The following ROR2 variants were observed in gnomAD, a reference collection of about 807,000 sequenced individuals.
The protein encoded by ROR2 is tyrosine-protein kinase transmembrane receptor ROR2.
Under a neutral mutation model 74.9 loss-of-function variants are expected in ROR2, and 33 were observed. The ratio of observed to expected loss-of-function variants is 0.44; its 90% confidence interval spans 0.33 to 0.59. The LOEUF (loss-of-function observed/expected upper bound fraction) is 0.59, where lower values mean the gene tolerates loss of function less well. Among genes scored for constraint, ROR2 ranks in the 20% least tolerant of loss-of-function variants. ROR2 has a pLI of 0.02. For missense variants in ROR2, 1,216 were observed against 1,313.8 expected (o/e 0.93, Z 1.15); for synonymous variants, 586 against 558.7 (o/e 1.05, Z -0.69).
intron 4 of ROR2, among the ~76,000 whole-genome samples, chr9:91,748,010 G>C (rs1194693461): frequency 2.0e-5 from 3 of 152,164 alleles, no homozygotes; most frequent in African/African-American, 7.2e-5. Flanking sequence ...TTTACAACAT[G>C]ACTATAGTGA....
chr9:91,794,881 G>C (rs1022541210), intron 1 of ROR2, among the ~76,000 whole-genome samples: 1 of 151,982 alleles, frequency 6.6e-6, no homozygotes, highest in Non-Finnish European at 1.5e-5. Flanking sequence ...CAGCACTTTC[G>C]GAGGCCAAGG....
At chr9:91,780,389 AAG>A (rs1467634492) in intron 1 of ROR2, among the ~76,000 whole-genome samples, 7 of 133,948 alleles carry the variant, frequency 5.2e-5, no homozygotes, top group African/African-American at 2.0e-4. Flanking sequence ...AAAAAAATGA[AAG>A]AAAGAAAGAA....
At chr9:91,907,756 A>G (rs1251593602) in intron 1 of ROR2, among the ~76,000 whole-genome samples, 1 of 152,210 alleles carries the variant, frequency 6.6e-6, no homozygotes, top group Non-Finnish European at 1.5e-5. Flanking sequence ...CATACTTAAC[A>G]GGAGCATTTC....
chr9:91,766,243 G>A (rs961860109), intron 2 of ROR2, among the ~76,000 whole-genome samples: 2 of 152,158 alleles, frequency 1.3e-5, no homozygotes, highest in Admixed American at 6.5e-5. Context: ...TTCAGAATTC[G>A]GCCCTTGGTC....
In ROR2 at chr9:91,816,642, C is replaced by A. The variant is rs560699637; in HGVS notation, c.98-40824G>T. On this transcript the variant is annotated intron_variant, in intron 1 of 8. Coordinates refer to ENST00000375708, the MANE Select transcript of ROR2 (RefSeq NM_004560.4). ...GCTCCCCGCTGTGGTATGCAGGGCC[C>A]TCCCTGGCATCCGCGATCCCCTCCT... 1.5e-3 allele frequency among the ~76,000 whole-genome samples: 226 copies of A among 152,152 alleles called. 1 individual carries two copies. Among genetic ancestry groups the A allele is most frequent in the African/African-American group, 4.9e-3 (205 of 41,478 alleles).
intron 1 of ROR2, among the ~76,000 whole-genome samples, chr9:91,935,040 C>T (rs1171708392): frequency 6.6e-6 from 1 of 152,190 alleles, no homozygotes; most frequent in Non-Finnish European, 1.5e-5. Context: ...AATCAGAAGA[C>T]AGAATTCTGC....
rs1413042558 is a variant in ROR2 at position 91,950,020 on chromosome 9, G to A, written c.-57C>T. The A allele has an allele frequency of 2.5e-5, 22 of 895,700 alleles. 1 individual carries two copies. In the South Asian group the frequency reaches 5.0e-4, roughly 20 times the overall value. 55.5% of individuals were successfully genotyped at this position (895,700 alleles called of 1,614,324 possible). A position where few individuals can be genotyped will look rare whatever the true frequency, so the allele number is the denominator to read the frequency against. On this transcript the variant is annotated 5_prime_UTR_variant, in exon 1 of 9. Transcript: ENST00000375708. ...GAGCTTCGGGCCGGGGCGCGGGGTC[G>A]GGCGCCACCACCCCTTTCTACGATG...
At chr9:91,758,709 A>G (rs1213230196) in intron 2 of ROR2, among the ~76,000 whole-genome samples, 1 of 152,182 alleles carries the variant, frequency 6.6e-6, no homozygotes, top group African/African-American at 2.4e-5. Context: ...CACAGGCAGG[A>G]GCTCTAGGGG....
chr9:91,842,178 T>A (rs1828801300), intron 1 of ROR2, among the ~76,000 whole-genome samples: 1 of 152,014 alleles, frequency 6.6e-6, no homozygotes, highest in Non-Finnish European at 1.5e-5. Context: ...GGAGAGATGG[T>A]CAAAAGCAAG....
Position 91,722,727 on chromosome 9 carries a change from A to ATGTGC in ROR2, c.*930_*934dup. On this transcript the variant is annotated 3_prime_UTR_variant, in exon 9 of 9. Coordinates refer to ENST00000375708, the MANE Select transcript of ROR2 (RefSeq NM_004560.4). ...AGGGGCTGTAAAATGAATGGACCTC[A>ATGTGC]TGTGCACGTGGTACAGAGAGAAGCA... 1.4e-6 allele frequency: 1 copy of ATGTGC among 698,446 alleles called. No homozygotes were observed. Among genetic ancestry groups the ATGTGC allele is most frequent in the South Asian group, 1.6e-5 (1 of 63,982 alleles). The allele number at this position is 698,446 out of a possible 1,614,324, so 43.3% of individuals were successfully genotyped here.
rs1223989832 is a variant in ROR2 at position 91,905,628 on chromosome 9, A to G, written c.97+44239T>C. On this transcript the variant is annotated intron_variant, in intron 1 of 8. Transcript: ENST00000375708. This position sits in a 1 kb window ranked among gnomAD's most constrained non-coding sequence, Gnocchi z 5.3. ...CACAACACATATACAGATGCCCCCA[A>G]CACACATAAACACACATAACACACA... 6.6e-6 allele frequency among the ~76,000 whole-genome samples: 1 copy of G among 151,742 alleles called. No individual in the cohort carries two copies. The highest frequency in any genetic ancestry group is 1.5e-5 in the Non-Finnish European group (1 of 67,936).
chr9:91,862,147 C>T (rs1170233485), intron 1 of ROR2, among the ~76,000 whole-genome samples: 1 of 152,022 alleles, frequency 6.6e-6, no homozygotes, highest in East Asian at 1.9e-4. Flanking sequence ...CATTGTGAAA[C>T]CCCATCTCTA....
chr9:91,780,919 A>G (rs1826598788), intron 1 of ROR2, among the ~76,000 whole-genome samples: 1 of 152,244 alleles, frequency 6.6e-6, no homozygotes, highest in South Asian at 2.1e-4. Context: ...TTTATTAATG[A>G]AGTTTCACCT....
intron 1 of ROR2, among the ~76,000 whole-genome samples, chr9:91,911,228 C>T (rs1830971798): frequency 6.6e-6 from 1 of 152,198 alleles, no homozygotes; most frequent in East Asian, 1.9e-4. Flanking sequence ...AGTCATGTGT[C>T]CCCTAAGGAC....
intron 1 of ROR2, among the ~76,000 whole-genome samples, chr9:91,833,402 C>T (rs893545719): frequency 1.1e-4 from 17 of 152,178 alleles, no homozygotes; most frequent in Non-Finnish European, 2.1e-4. Flanking sequence ...TTGCCCCAAC[C>T]GCTACTGTCC....
chr9:91,806,884 T>C (rs759445723), intron 1 of ROR2, among the ~76,000 whole-genome samples: 13 of 152,338 alleles, frequency 8.5e-5, no homozygotes, highest in East Asian at 1.9e-4. Flanking sequence ...CCATCGCGCC[T>C]GGCCGATCAT....
intron 1 of ROR2, among the ~76,000 whole-genome samples, chr9:91,868,369 T>C (rs1208166974): frequency 6.6e-6 from 1 of 151,970 alleles, no homozygotes; most frequent in East Asian, 1.9e-4. Flanking sequence ...GGTCCAACAT[T>C]TATATCCCCA....
intron 2 of ROR2, among the ~76,000 whole-genome samples, chr9:91,758,404 A>G (rs1825823503): frequency 6.6e-6 from 1 of 152,238 alleles, no homozygotes; most frequent in African/African-American, 2.4e-5. Context: ...CTACCATATC[A>G]TTAAGCACAA....
intron 1 of ROR2, among the ~76,000 whole-genome samples, chr9:91,832,223 C>T (rs7856144): frequency 0.4 from 60,640 of 151,908 alleles, 14,162 homozygotes; most frequent in African/African-American, 0.63. Flanking sequence ...TGGATTAACA[C>T]TGGTACAATT....
Sources: gnomAD v4.1 joint callset for allele counts (sites outside exome capture counted in the v4.1 genomes callset) on GRCh38, gnomAD v4.1.1 for gene constraint, Gnocchi (gnomAD v3.1) non-coding constraint, MANE v1.5 for transcripts, NCBI Gene and HGNC (gene_info 2026-07-23, HGNC 2026-07-21) for gene names.